TMEM232: variants seen among roughly 807,000 people sequenced by gnomAD.
TMEM232 encodes the protein transmembrane protein 232.
TMEM232 carries 80 observed loss-of-function variants against 78.8 expected under a neutral mutation model. The ratio of observed to expected loss-of-function variants is 1.01; its 90% CI spans 0.85 to 1.22. The LOEUF is 1.22. Among genes scored for constraint, TMEM232 ranks in the 50% most tolerant of loss-of-function variants. The pLI is 0.00. For synonymous variants in TMEM232, 297 were observed against 254.3 expected (o/e 1.17, Z -1.60); for missense variants, 881 against 742.2 (o/e 1.19, Z -2.17).
Position 110,518,266 on chromosome 5 carries a change from A to AT in TMEM232, c.1703+10321dup, listed in dbSNP as rs1220187730. Among the ~76,000 whole-genome samples the AT allele has an allele frequency of 9.3e-5, 14 of 149,740 alleles. No individual in the cohort carries two copies. In the East Asian group the frequency reaches 1.2e-3, roughly 13 times the overall value. On this transcript the variant is annotated intron_variant, in intron 12 of 13. Coordinates refer to ENST00000455884, the MANE Select transcript of TMEM232 (RefSeq NM_001039763.4). ...TCTTAATCTGCTTTTGTTAACATTG[A>AT]TTTTTTTTCTATTTTTCCAGTTTAT...
intron 2 of TMEM232, among the ~76,000 whole-genome samples, chr5:110,650,952 G>T (rs1788219522): frequency 1.3e-5 from 2 of 152,010 alleles, no homozygotes; most frequent in African/African-American, 2.4e-5. Context: ...TTCTAAAACT[G>T]TTCTAAACAA....
intron 10 of TMEM232, among the ~76,000 whole-genome samples, chr5:110,580,905 C>A (rs1561729141): frequency 6.6e-6 from 1 of 151,470 alleles, no homozygotes; most frequent in Non-Finnish European, 1.5e-5. Flanking sequence ...GAATGCAATC[C>A]CATTTACAAT....
intron 4 of TMEM232, among the ~76,000 whole-genome samples, chr5:110,639,839 T>C (rs1786416348): frequency 6.6e-6 from 1 of 152,230 alleles, no homozygotes; most frequent in Admixed American, 6.5e-5. Flanking sequence ...CACCATAGGC[T>C]TCACACACCT....
intron 12 of TMEM232, among the ~76,000 whole-genome samples, chr5:110,448,146 T>TATATA (rs1379442888): frequency 1.3e-5 from 2 of 152,054 alleles, no homozygotes; most frequent in African/African-American, 2.4e-5. Flanking sequence ...TTAGTTTATG[T>TATATA]ATATAAAGAG....
intron 12 of TMEM232, among the ~76,000 whole-genome samples, chr5:110,469,598 G>A (rs1026829878): frequency 1.3e-5 from 2 of 152,182 alleles, no homozygotes; most frequent in Non-Finnish European, 2.9e-5. Context: ...TGCCTTGGTG[G>A]AGCTGATTGA....
chr5:110,423,807 G>GTGTGTGTGTGTGTA (rs1013967286), intron 13 of TMEM232, among the ~76,000 whole-genome samples: 1 of 150,898 alleles, frequency 6.6e-6, no homozygotes, highest in East Asian at 1.9e-4. Flanking sequence ...GTGTGTGTGT[G>GTGTGTGTGTGTGTA]TGTATGTGTA....
At chr5:110,531,055 T>C (rs1771390503) in intron 11 of TMEM232, among the ~76,000 whole-genome samples, 1 of 152,132 alleles carries the variant, frequency 6.6e-6, no homozygotes, top group African/African-American at 2.4e-5. Context: ...AAATGACCTG[T>C]TCCTGCCTTA....
intron 8 of TMEM232, among the ~76,000 whole-genome samples, chr5:110,615,078 C>T (rs1186268341): frequency 2.6e-5 from 4 of 151,920 alleles, no homozygotes; most frequent in Non-Finnish European, 5.9e-5. Flanking sequence ...TGAGACAGAA[C>T]AAATTATTGA....
intron 7 of TMEM232, 44 bp from the exon 8 acceptor site, chr5:110,618,606 T>C (rs1030134439): frequency 2.2e-5 from 33 of 1,502,362 alleles, no homozygotes; most frequent in Non-Finnish European, 2.8e-5. Context: ...TATAAAAATA[T>C]ATGAGAAAGA....
At chr5:110,509,772 A>T (rs1183160148) in intron 12 of TMEM232, among the ~76,000 whole-genome samples, 1 of 152,168 alleles carries the variant, frequency 6.6e-6, no homozygotes, top group Non-Finnish European at 1.5e-5. Context: ...ACATTCAGTG[A>T]ACACAATGTA....
At chr5:110,601,873 T>A (rs1288944807) in intron 10 of TMEM232, among the ~76,000 whole-genome samples, 1 of 152,132 alleles carries the variant, frequency 6.6e-6, no homozygotes, top group African/African-American at 2.4e-5. Flanking sequence ...GCTGGAGGCA[T>A]CACGCTACCT....
intron 12 of TMEM232, among the ~76,000 whole-genome samples, chr5:110,484,323 A>G (rs557323520): frequency 1.8e-4 from 27 of 152,254 alleles, no homozygotes; most frequent in African/African-American, 6.5e-4. Context: ...TAAAGTTTAA[A>G]AAGTGAAAAA....
intron 11 of TMEM232, among the ~76,000 whole-genome samples, chr5:110,537,207 C>A (rs73783621): frequency 0.039 from 5,865 of 152,116 alleles, 171 homozygotes; most frequent in African/African-American, 0.08. Flanking sequence ...ATCTATTCCA[C>A]CTGATTCCCT....
At chr5:110,591,401 T>C (rs1561342003) in intron 10 of TMEM232, among the ~76,000 whole-genome samples, 1 of 152,190 alleles carries the variant, frequency 6.6e-6, no homozygotes, top group Non-Finnish European at 1.5e-5. Flanking sequence ...TGATTTTCAG[T>C]GTCATATGTA....
chr5:110,629,991 T>C (rs1332977151), intron 5 of TMEM232, among the ~76,000 whole-genome samples: 1 of 152,184 alleles, frequency 6.6e-6, no homozygotes, highest in Non-Finnish European at 1.5e-5. Flanking sequence ...CAAAACTGCA[T>C]ATAGAGCGGG....
intron 2 of TMEM232, among the ~76,000 whole-genome samples, chr5:110,402,666 CT>C (rs1299396870): frequency 6.6e-6 from 1 of 152,082 alleles, no homozygotes; most frequent in Admixed American, 6.6e-5. Flanking sequence ...AGTGACAGTT[CT>C]AACAACATGC....
chr5:110,649,635 TTTGA>T (rs1360558330), intron 2 of TMEM232, among the ~76,000 whole-genome samples: 2 of 152,162 alleles, frequency 1.3e-5, no homozygotes, highest in Admixed American at 1.3e-4. Flanking sequence ...GATAATTGCA[TTTGA>T]TTGATGCAGG....
At chr5:110,591,795 C>T (rs1779573736) in intron 10 of TMEM232, among the ~76,000 whole-genome samples, 1 of 151,956 alleles carries the variant, frequency 6.6e-6, no homozygotes, top group Admixed American at 6.6e-5. Context: ...CAACAAAAGA[C>T]TTACTAATGT....
At chr5:110,532,838 C>T (rs1223667297) in intron 11 of TMEM232, among the ~76,000 whole-genome samples, 1 of 152,142 alleles carries the variant, frequency 6.6e-6, no homozygotes, top group Non-Finnish European at 1.5e-5. Context: ...TATCCCATCC[C>T]ACAGCATGCT....
Sources: allele counts gnomAD v4.1 joint callset (sites outside exome capture counted in the v4.1 genomes callset), GRCh38; gene constraint gnomAD v4.1.1; transcripts MANE v1.5; gene names NCBI Gene and HGNC (gene_info 2026-07-23, HGNC 2026-07-21).